The following SLC17A8 variants were observed in gnomAD, a reference collection of about 807,000 sequenced individuals.
SLC17A8 encodes solute carrier family 17 member 8.
A neutral mutation model predicts 58.0 loss-of-function variants in SLC17A8; 31 were observed. The observed-to-expected ratio is 0.53, with a 90% confidence interval of 0.40 to 0.72. The LOEUF is 0.72. Among genes scored for constraint, SLC17A8 ranks in the 30% least tolerant of loss-of-function variants. The pLI, the probability that SLC17A8 is intolerant of heterozygous loss-of-function variation, is 0.00. For missense variants in SLC17A8, 655 were observed against 727.8 expected (o/e 0.90, Z 1.15); for synonymous variants, 228 against 249.0 (o/e 0.92, Z 0.79).
chr12:100,396,521 G>A, intron 5 of SLC17A8, 104 bp downstream of exon 5: 1 of 845,646 alleles, frequency 1.2e-6, no homozygotes, highest in Non-Finnish European at 2.0e-6. Context: ...GGCCGAGGCA[G>A]GAGGATCCCT....
chr12:100,382,556 T>TTA (rs1952645137), intron 2 of SLC17A8, among the ~76,000 whole-genome samples: 1 of 152,166 alleles, frequency 6.6e-6, no homozygotes, highest in South Asian at 2.1e-4. Context: ...AGAGAGACAT[T>TTA]TAATAGTTCT....
chr12:100,381,064 C>G (rs1408812207), intron 2 of SLC17A8, 111 bp downstream of exon 2: 1 of 1,315,448 alleles, frequency 7.6e-7, no homozygotes, highest in Non-Finnish European at 1.1e-6. Flanking sequence ...CCCAACCTGC[C>G]AGGTTGAAAT....
Position 100,391,062 on chromosome 12 carries a change from G to C in SLC17A8, c.416G>C (p.Gly139Ala). 1.9e-6 allele frequency: 3 copies of C among 1,613,858 alleles called. No homozygotes were observed. Among genetic ancestry groups the C allele is most frequent in the Non-Finnish European group, 2.5e-6 (3 of 1,179,886 alleles). The change falls in exon 3 of 12, where the codon GGC (glycine) becomes GCC (alanine). Residue 139 changes from glycine to alanine, a missense_variant. By Grantham distance (60) the Gly-to-Ala change is moderately conservative. Coordinates refer to ENST00000323346, the MANE Select transcript of SLC17A8 (RefSeq NM_139319.3). ...CTTATCCATGGATCTTTTTTCTGGG[G>C]CTATATTATGACACAAATTCCAGGT... ...VGLIHGSFFW[G>A]YIMTQIPGGF...
intron 1 of SLC17A8, among the ~76,000 whole-genome samples, chr12:100,369,123 A>C (rs1025380189): frequency 6.6e-6 from 1 of 152,034 alleles, no homozygotes; most frequent in Non-Finnish European, 1.5e-5. Flanking sequence ...TAAAACTACA[A>C]AAATTAGCCA....
In SLC17A8 at chr12:100,357,232, C is replaced by A; in HGVS notation, c.-160C>A. On this transcript the variant is annotated 5_prime_UTR_variant, in exon 1 of 12. In the 5' UTR this introduces an upstream ATG that the reference lacks. Transcript: ENST00000323346. ...GTTGTCTTATCTTGGAAGATCCGAG[C>A]TGGGTTTCATCTCCTTTTTGATTTT... is the stretch of plus-strand genomic sequence containing the variant. 1.5e-6 allele frequency: 1 copy of A among 669,236 alleles called. No homozygotes were observed. The highest frequency in any genetic ancestry group is 2.7e-6 in the Non-Finnish European group (1 of 366,430). 41.5% of individuals were successfully genotyped at this position (669,236 alleles called of 1,614,324 possible).
intron 2 of SLC17A8, among the ~76,000 whole-genome samples, chr12:100,387,290 T>C (rs570950652): frequency 1.3e-5 from 2 of 152,316 alleles, no homozygotes; most frequent in Admixed American, 1.3e-4. Context: ...ATAATGGTCA[T>C]CCTAACAGGT....
chr12:100,405,266 T>G (rs1486654581), intron 9 of SLC17A8, among the ~76,000 whole-genome samples: 1 of 152,202 alleles, frequency 6.6e-6, no homozygotes, highest in Non-Finnish European at 1.5e-5. Flanking sequence ...TGCTATCTGG[T>G]GGGCAGGAGG....
intron 2 of SLC17A8, among the ~76,000 whole-genome samples, chr12:100,384,162 C>T (rs1821144526): frequency 6.6e-6 from 1 of 152,190 alleles, no homozygotes. Flanking sequence ...GGATTGTGGG[C>T]CCTGTAGGAT....
rs1017808890 is a variant in SLC17A8 at position 100,404,136 on chromosome 12, C to G, written c.1152C>G (p.Thr384=). 8 of 1,613,986 alleles carry G rather than the reference C, an allele frequency of 5.0e-6. No homozygotes were observed. The African/African-American group carries it at 9.3e-5, about 19-fold the overall frequency. The part of the protein sequence containing the change: ...ADYLRSRQIL[T]TTAVRKIMNC... ...ATTTAAGAAGCAGACAAATTTTAAC[C>G]ACAACTGCTGTCAGAAAAATCATGA... The change falls in exon 9 of 12, where the codon ACC becomes ACG. Residue 384 remains threonine, a synonymous_variant. Transcript: ENST00000323346.
intron 2 of SLC17A8, among the ~76,000 whole-genome samples, chr12:100,388,025 C>G (rs75139437): frequency 0.02 from 2,995 of 152,164 alleles, 95 homozygotes; most frequent in African/African-American, 0.067. Context: ...AACACCTATT[C>G]TCTTCCTCCT....
intron 1 of SLC17A8, among the ~76,000 whole-genome samples, chr12:100,373,325 A>G (rs1952571344): frequency 6.6e-6 from 1 of 151,954 alleles, no homozygotes; most frequent in South Asian, 2.1e-4. Context: ...TTCTTCTCTT[A>G]TTCTTAAATA....
chr12:100,381,977 C>T (rs11612917), intron 2 of SLC17A8, among the ~76,000 whole-genome samples: 14,564 of 152,188 alleles, frequency 0.096, 1,061 homozygotes, highest in East Asian at 0.33. Flanking sequence ...AGTCATATGA[C>T]GGTGGCTTGT....
intron 9 of SLC17A8, among the ~76,000 whole-genome samples, chr12:100,408,650 AT>A (rs945445653): frequency 5.9e-5 from 9 of 151,722 alleles, no homozygotes; most frequent in Non-Finnish European, 8.8e-5. Context: ...TTTGGCCAAA[AT>A]TTTTTTTCTT....
chr12:100,402,838 T>A (rs1378850327), intron 8 of SLC17A8, 93 bp downstream of exon 8: 1 of 1,300,486 alleles, frequency 7.7e-7, no homozygotes, highest in Non-Finnish European at 1.1e-6. Context: ...AAATTGCTGA[T>A]CATAATTCAT....
Position 100,401,838 on chromosome 12 carries a change from A to G in SLC17A8, c.738A>G (p.Gly246=). 1 of 1,613,880 alleles carries G rather than the reference A, an allele frequency of 6.2e-7. No homozygotes were observed. The highest frequency in any genetic ancestry group is 1.1e-5 in the South Asian group (1 of 91,076). ...CTGGGGTGTTGGTGCAGTACATTGGATGGTCCTCTGTCTTTTATATTTATG... is the reference window on the plus strand; with the variant it reads ...CTGGGGTGTTGGTGCAGTACATTGGGTGGTCCTCTGTCTTTTATATTTATG... ...PLAGVLVQYI[G]WSSVFYIYGM... The change falls in exon 6 of 12, where the codon GGA becomes GGG. Residue 246 remains glycine (G), a synonymous_variant. Coordinates refer to ENST00000323346, the MANE Select transcript of SLC17A8 (RefSeq NM_139319.3).
intron 10 of SLC17A8, among the ~76,000 whole-genome samples, chr12:100,416,842 G>A (rs894660695): frequency 1.3e-5 from 2 of 152,120 alleles, no homozygotes; most frequent in South Asian, 4.1e-4. Flanking sequence ...TCGTTATCCC[G>A]TTATGTAGAT....
At chr12:100,365,921 T>C (rs567774711) in intron 1 of SLC17A8, among the ~76,000 whole-genome samples, 27 of 152,314 alleles carry the variant, frequency 1.8e-4, no homozygotes, top group African/African-American at 5.1e-4. Context: ...CTGTCATTCA[T>C]CTCATGTCAT....
chr12:100,392,754 G>C (rs181317365), intron 3 of SLC17A8, among the ~76,000 whole-genome samples: 13 of 152,290 alleles, frequency 8.5e-5, no homozygotes, highest in Non-Finnish European at 1.8e-4. Flanking sequence ...CCAGGAAATG[G>C]GAGCTAAGAC....
At chr12:100,416,346 C>G (rs762899186) in intron 10 of SLC17A8, among the ~76,000 whole-genome samples, 15 of 152,206 alleles carry the variant, frequency 9.9e-5, no homozygotes, top group Non-Finnish European at 1.8e-4. Context: ...TTATCACATT[C>G]AAATCCATGG....
Sources: allele counts gnomAD v4.1 joint callset (sites outside exome capture counted in the v4.1 genomes callset), GRCh38; gene constraint gnomAD v4.1.1; transcripts MANE v1.5; gene names NCBI Gene and HGNC (gene_info 2026-07-23, HGNC 2026-07-21).